BCAR1: variants seen among roughly 807,000 people sequenced by gnomAD.
BCAR1 encodes the protein BCAR1 scaffold protein, Cas family member, also known as breast cancer anti-estrogen resistance protein 1.
A neutral mutation model predicts 67.6 loss-of-function variants in BCAR1; 30 were observed. The ratio of observed to expected loss-of-function variants is 0.44; its 90% confidence interval spans 0.33 to 0.60. BCAR1 has a LOEUF of 0.60. Among genes scored for constraint, BCAR1 ranks in the 20% least tolerant of loss-of-function variants. BCAR1 has a pLI of 0.02. For synonymous variants in BCAR1, 626 were observed against 556.7 expected (o/e 1.12, Z -1.75); for missense variants, 1,313 against 1,222.3 (o/e 1.07, Z -1.11).
rs1488200247 is a variant in BCAR1 at position 75,251,506 on chromosome 16, C to A, written c.-24G>T. ...ATGGTGTCCGGCGGGCCTGGGGCCC[C>A]GGCTCTCGCGGGGGCGCACACCGAG... On this transcript the variant is annotated 5_prime_UTR_variant, in exon 1 of 7. Coordinates refer to ENST00000162330, the MANE Select transcript of BCAR1 (RefSeq NM_014567.5). 1 of 1,333,432 alleles carries A rather than the reference C, an allele frequency of 7.5e-7. No individual in the cohort carries two copies. Among genetic ancestry groups the A allele is most frequent in the Admixed American group, 3.4e-5 (1 of 29,162 alleles). The allele number at this position is 1,333,432 out of a possible 1,614,324, so 82.6% of individuals were successfully genotyped here.
chr16:75,258,026 C>T (rs532736016), intron 1 of BCAR1, among the ~76,000 whole-genome samples: 10 of 152,326 alleles, frequency 6.6e-5, no homozygotes, highest in Middle Eastern at 6.8e-3. Flanking sequence ...ACCCTGGGGC[C>T]ATCAGACTGA....
At chr16:75,259,175 G>A (rs1383911582) in intron 1 of BCAR1, among the ~76,000 whole-genome samples, 1 of 152,254 alleles carries the variant, frequency 6.6e-6, no homozygotes, top group Non-Finnish European at 1.5e-5. Context: ...AGGGAGGAGT[G>A]TGGTCATACC....
intron 1 of BCAR1, chr16:75,267,841 G>A: frequency 6.7e-7 from 1 of 1,486,090 alleles, no homozygotes; most frequent in South Asian, 1.2e-5. Flanking sequence ...CGCCCCAGGG[G>A]CTGCTTATTT....
rs770518249 is a variant in BCAR1, at chr16:75,264,409, C to T, written c.66+3506G>A. The T allele has an allele frequency of 5.2e-6, 8 of 1,531,490 alleles. No individual in the cohort carries two copies. In the East Asian group the frequency reaches 7.4e-5, roughly 14 times the overall value. The allele number at this position is 1,531,490 out of a possible 1,614,324, so 94.9% of individuals were successfully genotyped here. A position where few individuals can be genotyped will look rare whatever the true frequency, so the allele number is the denominator to read the frequency against. On this transcript the variant is annotated intron_variant, in intron 1 of 6. Transcript: ENST00000393422. ...TCCCTCTGCCCAGTGCCCACAGGAG[C>T]AGGGCTGGCCAGTCCCCTGAGGCCC...
At chr16:75,259,340 C>G (rs932972087) in intron 1 of BCAR1, among the ~76,000 whole-genome samples, 1 of 152,232 alleles carries the variant, frequency 6.6e-6, no homozygotes, top group Non-Finnish European at 1.5e-5. Context: ...TACTTAATAA[C>G]ACACAGCACA....
chr16:75,263,138 C>A (rs1172680764), intron 1 of BCAR1: 2 of 927,806 alleles, frequency 2.2e-6, no homozygotes, highest in South Asian at 9.9e-5. Context: ...CATCCCTCAA[C>A]GAAGGGGCAC....
At chr16:75,264,914 A>G (rs1253147429) in intron 1 of BCAR1, 4 of 159,708 alleles carry the variant, frequency 2.5e-5, no homozygotes, top group Non-Finnish European at 5.4e-5. Flanking sequence ...TCCTGGCAGG[A>G]CGCCGGGGTG....
upstream of BCAR1, among the ~76,000 whole-genome samples, chr16:75,253,020 G>T (rs1392042375): frequency 6.6e-6 from 1 of 152,232 alleles, no homozygotes; most frequent in East Asian, 1.9e-4. Context: ...AGCACAGCGG[G>T]TGAGGAAGGA....
In BCAR1 at chr16:75,235,075, G is replaced by T. The variant is rs2077055537; in HGVS notation, c.1824C>A (p.Thr608=). The part of the protein sequence containing the change: ...HGNASLLFRR[T]KATAPGPEGG... ...CCTCAGGCCCCGGGGCAGTGGCCTT[G>T]GTCCGTCTGAAGAGCAGTGAGGCAT... is the stretch of plus-strand genomic sequence containing the variant. Residue 608 remains threonine, a synonymous_variant, in exon 5 of 7, where the codon ACC becomes ACA. Coordinates refer to ENST00000162330, the MANE Select transcript of BCAR1 (RefSeq NM_014567.5). The T allele has an allele frequency of 1.2e-6, 2 of 1,612,828 alleles. No homozygotes were observed. Among genetic ancestry groups the T allele is most frequent in the Admixed American group, 1.7e-5 (1 of 60,004 alleles).
intron 2 of BCAR1, chr16:75,238,585 C>A: frequency 1.0e-6 from 1 of 989,088 alleles, no homozygotes; most frequent in Non-Finnish European, 1.2e-6. Flanking sequence ...CAGCCGCAGG[C>A]CTGGCAGAGC....
rs144213720 is a variant in BCAR1, at chr16:75,257,238, C to T, written c.66+10677G>A. 7.7e-3 allele frequency among the ~76,000 whole-genome samples: 1,171 copies of T among 152,134 alleles called. 11 individuals are homozygous for T. The highest frequency in any genetic ancestry group is 0.02 in the Middle Eastern group (6 of 294). ...TGGCAACCAACCCCAGTGTACTGGG[C>T]GGAGGGGGGTGACTTCACACATCAT... On this transcript the variant is annotated intron_variant, in intron 1 of 6. Transcript: ENST00000393422.
intron 6 of BCAR1, among the ~76,000 whole-genome samples, chr16:75,233,436 C>T (rs2076971806): frequency 6.6e-6 from 1 of 152,060 alleles, no homozygotes; most frequent in Non-Finnish European, 1.5e-5. Flanking sequence ...GCTAAGTGGT[C>T]TTTGAAAGAA....
At chr16:75,251,717 T>C, upstream of BCAR1, 1 of 985,652 alleles carries the variant, frequency 1.0e-6, no homozygotes, top group Non-Finnish European at 1.2e-6. Flanking sequence ...CCGCTCTCCA[T>C]GCAAATAAGC....
At chr16:75,246,443 A>G (rs2077526732) in intron 1 of BCAR1, 1 of 152,286 alleles carries the variant, frequency 6.6e-6, no homozygotes, top group Non-Finnish European at 1.5e-5. Context: ...TGCCAAAAAT[A>G]ATGTGGGAGA....
chr16:75,259,332 C>T (rs1259240456), intron 1 of BCAR1, among the ~76,000 whole-genome samples: 2 of 152,234 alleles, frequency 1.3e-5, no homozygotes, highest in Non-Finnish European at 2.9e-5. Flanking sequence ...TGTTCCGCTA[C>T]TTAATAACAC....
At chr16:75,255,711 G>T (rs28564254), upstream of BCAR1, among the ~76,000 whole-genome samples, 57,313 of 150,724 alleles carry the variant, frequency 0.38, 12,039 homozygotes, top group Non-Finnish European at 0.47. Flanking sequence ...ACAAAAAACA[G>T]CTGGGCACAG....
At position 75,264,326 on chromosome 16, in the gene BCAR1, C is replaced by G. The variant is rs1351607791; in HGVS notation, c.66+3589G>C. ...CTGGGATGTGGCCAGAGTGACATTC[C>G]CTAATCACTACTGCCCTGGGATACC... On this transcript the variant is annotated intron_variant, in intron 1 of 6. Transcript: ENST00000393422. 3 of 1,474,496 alleles carry G rather than the reference C, an allele frequency of 2.0e-6. No homozygotes were observed. The East Asian group carries it at 7.5e-5, about 37-fold the overall frequency. 91.3% of individuals were successfully genotyped at this position (1,474,496 alleles called of 1,614,324 possible). A position where few individuals can be genotyped will look rare whatever the true frequency, so the allele number is the denominator to read the frequency against.
At chr16:75,248,299 C>A in intron 1 of BCAR1, 2 of 1,403,608 alleles carry the variant, frequency 1.4e-6, no homozygotes, top group South Asian at 1.5e-5. Flanking sequence ...CACAGAGCCT[C>A]GCACATAGCA....
At chr16:75,259,379 T>G (rs2151477507) in intron 1 of BCAR1, among the ~76,000 whole-genome samples, 1 of 152,356 alleles carries the variant, frequency 6.6e-6, no homozygotes, top group South Asian at 2.1e-4. Flanking sequence ...ATGCCTATAG[T>G]CCCAGCTACT....
Sources: gnomAD v4.1 joint callset for allele counts (sites outside exome capture counted in the v4.1 genomes callset) on GRCh38, gnomAD v4.1.1 for gene constraint, MANE v1.5 for transcripts, NCBI Gene and HGNC (gene_info 2026-07-23, HGNC 2026-07-21) for gene names.